ATP10A: variants seen among roughly 807,000 people sequenced by gnomAD.
ATP10A encodes phospholipid-transporting ATPase VA.
ATP10A carries 111 observed loss-of-function variants against 147.8 expected under a neutral mutation model. The observed-to-expected ratio is 0.75, with a 90% CI of 0.64 to 0.88. The LOEUF is 0.88. ATP10A is among the 40% of genes least tolerant of loss of function. The pLI is 0.00. For synonymous variants in ATP10A, 875 were observed against 841.6 expected, an observed-to-expected ratio of 1.04 and a Z score of -0.69; for missense variants, 1,927 against 1,959.0, an observed-to-expected ratio of 0.98 and a Z score of 0.31.
chr15:25,713,135 G>A (rs763375879), intron 10 of ATP10A, among the ~76,000 whole-genome samples: 1 of 152,218 alleles, frequency 6.6e-6, no homozygotes, highest in Non-Finnish European at 1.5e-5. Flanking sequence ...CAGTTCCCTG[G>A]AGGTGAGGCT....
chr15:25,727,325 G>T, intron 3 of ATP10A, 59 bp from the exon 4 acceptor site: 1 of 1,358,896 alleles, frequency 7.4e-7, no homozygotes, highest in Non-Finnish European at 1.1e-6. Context: ...CATGTCTGGA[G>T]CCGCAATGCC....
rs183961188 is a variant in ATP10A, at chr15:25,856,968, A to G, written c.449+5680T>C. ...TTTCTTCAAAATAAATTGCAAGGGA[A>G]AAAAAGAAAGAGAATAGAGTTTTCT... is the stretch of plus-strand genomic sequence containing the variant. On this transcript the variant is annotated intron_variant, in intron 1 of 20. Transcript: ENST00000555815. 7.2e-3 allele frequency among the ~76,000 whole-genome samples: 1,097 copies of G among 152,344 alleles called. 13 individuals are homozygous for G. The highest frequency in any genetic ancestry group is 0.025 in the African/African-American group (1,020 of 41,566).
At chr15:25,739,825 T>C (rs1887485238) in intron 2 of ATP10A, among the ~76,000 whole-genome samples, 1 of 152,160 alleles carries the variant, frequency 6.6e-6, no homozygotes, top group Non-Finnish European at 1.5e-5. Flanking sequence ...TTGGGCAAAG[T>C]GATTTGACCT....
chr15:25,846,657 G>A (rs1247043554), intron 1 of ATP10A, among the ~76,000 whole-genome samples: 1 of 152,168 alleles, frequency 6.6e-6, no homozygotes, highest in Non-Finnish European at 1.5e-5. Flanking sequence ...CCTGACATGT[G>A]CCGGACACGT....
At chr15:25,724,289 C>T (rs1047239388) in intron 5 of ATP10A, among the ~76,000 whole-genome samples, 3 of 152,188 alleles carry the variant, frequency 2.0e-5, no homozygotes, top group African/African-American at 4.8e-5. Context: ...CAACACAGAG[C>T]TACCCGCGTG....
chr15:25,708,406 G>T, intron 10 of ATP10A, 106 bp from the exon 11 acceptor site: 1 of 930,132 alleles, frequency 1.1e-6, no homozygotes, highest in African/African-American at 1.7e-5. Flanking sequence ...TGCGAATAGA[G>T]CACAAATTTT....
At chr15:25,743,352 A>G (rs1285545395) in intron 2 of ATP10A, among the ~76,000 whole-genome samples, 1 of 152,252 alleles carries the variant, frequency 6.6e-6, no homozygotes, top group Non-Finnish European at 1.5e-5. Flanking sequence ...CCAGCACCAG[A>G]CGACTGGGCA....
chr15:25,711,965 G>A (rs978231602), intron 10 of ATP10A, among the ~76,000 whole-genome samples: 2 of 152,150 alleles, frequency 1.3e-5, no homozygotes, highest in Admixed American at 1.3e-4. Flanking sequence ...GCTCACTCAG[G>A]GGCCTCTGGA....
rs565475366 is a variant in ATP10A, at chr15:25,742,423, G to A, written c.655-6282C>T. Among the ~76,000 whole-genome samples the A allele has an allele frequency of 3.3e-5, 5 of 152,324 alleles. No homozygotes were observed. The South Asian group carries it at 1.0e-3, about 32-fold the overall frequency. The stretch of plus-strand genomic sequence containing the variant: ...CCTCCCTTAGTTTCTGAGCAGAAAG[G>A]CAGCTTTTCCCTTGTTAAATTCTAG... On this transcript the variant is annotated intron_variant, in intron 2 of 20. Transcript: ENST00000555815.
intron 1 of ATP10A, among the ~76,000 whole-genome samples, chr15:25,798,009 T>C (rs1173580938): frequency 6.6e-6 from 1 of 152,148 alleles, no homozygotes; most frequent in Non-Finnish European, 1.5e-5. Flanking sequence ...CATTTTAAGC[T>C]TCTTAAAAAT....
rs1899540419 is a variant in ATP10A, at chr15:25,683,468, A to G, written c.3310T>C (p.Phe1104Leu). Residue 1104 changes from phenylalanine to leucine, a missense_variant, in exon 17 of 21, where the codon TTT becomes CTT. Physicochemically the swap from Phe to Leu is conservative, Grantham distance 22. Coordinates refer to ENST00000555815, the MANE Select transcript of ATP10A (RefSeq NM_024490.4). ...AAGCCACAGAAAAACTGGAACCAAA[A>G]CAGGAGGCCCACGAACATCTGAAAT... The part of the protein sequence containing the change: ...YKNTMFVGLL[F>L]WFQFFCGFSA... 1 of 1,613,538 alleles carries G rather than the reference A, an allele frequency of 6.2e-7. No individual in the cohort carries two copies.
chr15:25,755,845 T>G (rs1567358887), intron 2 of ATP10A, among the ~76,000 whole-genome samples: 1 of 152,190 alleles, frequency 6.6e-6, no homozygotes, highest in African/African-American at 2.4e-5. Flanking sequence ...TTTCTGAAAT[T>G]TAGTTAGCTA....
chr15:25,716,373 C>T (rs921651331), intron 9 of ATP10A, among the ~76,000 whole-genome samples: 7 of 152,130 alleles, frequency 4.6e-5, no homozygotes, highest in Non-Finnish European at 8.8e-5. Context: ...GGCCAGGCAG[C>T]GAAGGAAGGA....
At chr15:25,846,117 G>A (rs375109507) in intron 1 of ATP10A, among the ~76,000 whole-genome samples, 4 of 152,258 alleles carry the variant, frequency 2.6e-5, no homozygotes, top group African/African-American at 9.6e-5. Context: ...ACTTCGTAGA[G>A]GCTGAATGCA....
At chr15:25,705,634 GTCAT>G (rs1900955724) in intron 12 of ATP10A, among the ~76,000 whole-genome samples, 1 of 152,082 alleles carries the variant, frequency 6.6e-6, no homozygotes, top group Admixed American at 6.5e-5. Context: ...CTCAGGCCTC[GTCAT>G]TTGAAACATA....
intron 2 of ATP10A, among the ~76,000 whole-genome samples, chr15:25,773,818 C>CCACACACACACA (rs56751876): frequency 7.3e-6 from 1 of 137,808 alleles, no homozygotes; most frequent in East Asian, 2.0e-4. Flanking sequence ...ACCTAAACAT[C>CCACACACACACA]CACACACACA....
chr15:25,843,025 G>T (rs1383841902), intron 1 of ATP10A, among the ~76,000 whole-genome samples: 1 of 152,130 alleles, frequency 6.6e-6, no homozygotes, highest in Non-Finnish European at 1.5e-5. Flanking sequence ...GGCCAAGCAG[G>T]CTTACTTAAA....
chr15:25,716,650 G>T (rs991321402), intron 9 of ATP10A, 80 bp downstream of exon 9: 1 of 1,348,334 alleles, frequency 7.4e-7, no homozygotes, highest in Non-Finnish European at 1.0e-6. Context: ...AGGGAAGGGC[G>T]CCTGCCCTCA....
chr15:25,855,519 T>C (rs1429601772), intron 1 of ATP10A, among the ~76,000 whole-genome samples: 1 of 148,338 alleles, frequency 6.7e-6, no homozygotes, highest in East Asian at 2.0e-4. Context: ...ACCCCACAGC[T>C]TGAAATCTCA....
Sources: allele counts gnomAD v4.1 joint callset (sites outside exome capture counted in the v4.1 genomes callset), GRCh38; gene constraint gnomAD v4.1.1; transcripts MANE v1.5; gene names NCBI Gene and HGNC (gene_info 2026-07-23, HGNC 2026-07-21).